FUT8: variants seen among roughly 807,000 people sequenced by gnomAD.
The protein encoded by FUT8 is fucosyltransferase 8.
A neutral mutation model predicts 71.3 loss-of-function variants in FUT8; 29 were observed. The observed-to-expected ratio is 0.41, with a 90% CI of 0.30 to 0.55. The LOEUF (loss-of-function observed/expected upper bound fraction) is 0.55, where lower values mean the gene tolerates loss of function less well. FUT8 is among the 20% of genes least tolerant of loss of function. FUT8 has a pLI of 0.34. For synonymous variants in FUT8, 254 were observed against 239.3 expected (o/e 1.06, Z -0.57); for missense variants, 544 against 702.1 (o/e 0.77, Z 2.55).
At chr14:65,525,504 C>A (rs1046921189) in intron 2 of FUT8, among the ~76,000 whole-genome samples, 10 of 152,080 alleles carry the variant, frequency 6.6e-5, no homozygotes, top group African/African-American at 2.4e-4. Context: ...TTGATGTTTT[C>A]AAAAAACCAG....
At position 65,728,156 on chromosome 14, in the gene FUT8, G is replaced by C. The variant is rs141965758; in HGVS notation, c.1259+3833G>C. Among the ~76,000 whole-genome samples the C allele has an allele frequency of 1.2e-3, 179 of 152,230 alleles. No individual in the cohort carries two copies. The East Asian group carries it at 0.024, about 20-fold the overall frequency. The stretch of plus-strand genomic sequence containing the variant: ...TGTCTTCTTCTGAGCCCTCCAAACT[G>C]TTCCACCCTCTGCCTGTTACCCAAT... On this transcript the variant is annotated intron_variant, in intron 9 of 10. Transcript: ENST00000673929.
chr14:65,418,391 A>G (rs1315512028), intron 1 of FUT8, among the ~76,000 whole-genome samples: 1 of 152,232 alleles, frequency 6.6e-6, no homozygotes, highest in Non-Finnish European at 1.5e-5. Context: ...TTCTAATAAT[A>G]TCTAGAACCA....
At chr14:65,713,786 G>A (rs537715419) in intron 7 of FUT8, among the ~76,000 whole-genome samples, 1 of 152,102 alleles carries the variant, frequency 6.6e-6, no homozygotes, top group East Asian at 1.9e-4. Flanking sequence ...TTTATCTCTT[G>A]TCACATGGGT....
At chr14:65,616,516 C>T (rs1889294501) in intron 5 of FUT8, 143 bp downstream of exon 5, 1 of 629,002 alleles carries the variant, frequency 1.6e-6, no homozygotes, top group African/African-American at 1.8e-5. Context: ...ACCTGAGGTC[C>T]CAAAGGATGG....
the FUT8 span, among the ~76,000 whole-genome samples, chr14:65,357,004 A>G: frequency 3.3e-5 from 5 of 152,206 alleles, no homozygotes; most frequent in Admixed American, 2.0e-4. Context: ...GGTAAGAACC[A>G]GAAGGGAGCT....
intron 7 of FUT8, among the ~76,000 whole-genome samples, chr14:65,710,465 ATGT>A (rs1432547036): frequency 1.3e-5 from 2 of 152,148 alleles, no homozygotes; most frequent in Non-Finnish European, 2.9e-5. Flanking sequence ...ATTTTGAAAT[ATGT>A]TGTTATTGAG....
chr14:65,522,943 G>A (rs1196075426), intron 2 of FUT8, among the ~76,000 whole-genome samples: 1 of 152,122 alleles, frequency 6.6e-6, no homozygotes, highest in Admixed American at 6.5e-5. Flanking sequence ...TGGTGTATAT[G>A]TGCCACATTT....
At position 65,489,172 on chromosome 14, in the gene FUT8, T is replaced by C. The variant is rs897118888; in HGVS notation, c.-228+33454T>C. ...ATTCAATAATGTTGCTTTTTCTTTTTGATAGCCAGAGGAAGTTAGAGAACA... is the reference window on the plus strand; with the variant it reads ...ATTCAATAATGTTGCTTTTTCTTTTCGATAGCCAGAGGAAGTTAGAGAACA... On this transcript the variant is annotated intron_variant, in intron 2 of 10. Transcript: ENST00000673929. The surrounding 1 kb of genome is among the most constrained non-coding windows in gnomAD (Gnocchi z 4.0). Among the ~76,000 whole-genome samples the C allele has an allele frequency of 6.6e-6, 1 of 152,206 alleles. No homozygotes were observed. The highest frequency in any genetic ancestry group is 2.4e-5 in the African/African-American group (1 of 41,476).
At chr14:65,650,253 C>T (rs1401086911) in intron 6 of FUT8, among the ~76,000 whole-genome samples, 11 of 124,154 alleles carry the variant, frequency 8.9e-5, no homozygotes, top group Non-Finnish European at 1.3e-4. Flanking sequence ...GAGCCGAGAT[C>T]GTGCCACTGC....
intron 10 of FUT8, among the ~76,000 whole-genome samples, chr14:65,734,081 AACCAGCTGTTAAATGCACTCAAAATT>A (rs1326893345): frequency 4.6e-5 from 7 of 152,172 alleles, no homozygotes; most frequent in African/African-American, 1.7e-4. Flanking sequence ...TAGTTCATTC[AACCAGCTGTTAAATGCACTCAAAATT>A]ATACTAGGTG....
intron 2 of FUT8, among the ~76,000 whole-genome samples, chr14:65,552,215 G>A (rs1021693668): frequency 6.6e-6 from 1 of 152,130 alleles, no homozygotes; most frequent in Non-Finnish European, 1.5e-5. Context: ...GTTAGTTGCT[G>A]TAAGAAGAGG....
chr14:65,611,480 C>T (rs1405685291), intron 3 of FUT8, among the ~76,000 whole-genome samples: 1 of 151,402 alleles, frequency 6.6e-6, no homozygotes, highest in Non-Finnish European at 1.5e-5. Context: ...TCTCTCTGAT[C>T]TTTATTACTT....
At chr14:65,613,641 A>G (rs1304647599) in intron 3 of FUT8, among the ~76,000 whole-genome samples, 2 of 152,182 alleles carry the variant, frequency 1.3e-5, no homozygotes, top group East Asian at 1.9e-4. Flanking sequence ...AATGCGTACA[A>G]TTTTACAGGA....
At chr14:65,732,795 C>T (rs918495160) in intron 9 of FUT8, among the ~76,000 whole-genome samples, 2 of 152,112 alleles carry the variant, frequency 1.3e-5, no homozygotes, top group African/African-American at 4.8e-5. Context: ...AAGACATTTA[C>T]AAAGTCTAAC....
chr14:65,625,095 A>AAATAAATAAATAAATG (rs1365044457), intron 5 of FUT8, among the ~76,000 whole-genome samples: 1 of 151,716 alleles, frequency 6.6e-6, no homozygotes, highest in Non-Finnish European at 1.5e-5. Flanking sequence ...ATAAATAAAT[A>AAATAAATAAATAAATG]AATGTAAAGT....
At chr14:65,530,781 C>T (rs555049135) in intron 2 of FUT8, among the ~76,000 whole-genome samples, 8 of 150,832 alleles carry the variant, frequency 5.3e-5, no homozygotes, top group Non-Finnish European at 1.0e-4. Flanking sequence ...GGTGCTCTTG[C>T]GTGTATGCTC....
chr14:65,530,968 TATGGGAAC>T (rs1883919249), intron 2 of FUT8, among the ~76,000 whole-genome samples: 1 of 146,298 alleles, frequency 6.8e-6, no homozygotes, highest in Non-Finnish European at 1.5e-5. Context: ...TGGTAAAAAG[TATGGGAAC>T]TTTTTACCAA....
chr14:65,362,842 G>A, the FUT8 span, among the ~76,000 whole-genome samples: 9 of 151,918 alleles, frequency 5.9e-5, no homozygotes, highest in Middle Eastern at 3.4e-3. Flanking sequence ...TGTGCCTGTA[G>A]TCCCAGCTAC....
intron 2 of FUT8, among the ~76,000 whole-genome samples, chr14:65,530,945 C>A (rs1187555014): frequency 6.9e-6 from 1 of 144,676 alleles, no homozygotes; most frequent in Admixed American, 6.9e-5. Flanking sequence ...GAATATAAGA[C>A]CAATTTTTTT....
Sources: gnomAD v4.1 joint callset for allele counts (sites outside exome capture counted in the v4.1 genomes callset) on GRCh38, gnomAD v4.1.1 for gene constraint, Gnocchi (gnomAD v3.1) non-coding constraint, MANE v1.5 for transcripts, NCBI Gene and HGNC (gene_info 2026-07-23, HGNC 2026-07-21) for gene names.